Variants in SYT1 observed in about 807,000 individuals in gnomAD.
SYT1 encodes the protein synaptotagmin-1.
SYT1 carries 8 observed loss-of-function variants against 44.8 expected under a neutral mutation model. The observed-to-expected ratio is 0.18, with a 90% confidence interval of 0.10 to 0.32. SYT1 has a LOEUF of 0.32. SYT1 is among the 10% of genes least tolerant of loss of function. SYT1 has a pLI of 1.00. For missense variants in SYT1, 286 were observed against 509.3 expected (o/e 0.56, Z 4.22); for synonymous variants, 154 against 188.8 (o/e 0.82, Z 1.51).
intron 9 of SYT1, among the ~76,000 whole-genome samples, chr12:79,373,493 T>C (rs1287572998): frequency 6.6e-6 from 1 of 152,168 alleles, no homozygotes; most frequent in East Asian, 1.9e-4. Context: ...TAATAATAAA[T>C]ATGCCTCACT....
At chr12:79,310,337 C>T (rs1310611070) in intron 8 of SYT1, among the ~76,000 whole-genome samples, 2 of 151,972 alleles carry the variant, frequency 1.3e-5, no homozygotes, top group Non-Finnish European at 2.9e-5. Context: ...AGATATGTGG[C>T]GTTATTTCTG....
intron 1 of SYT1, among the ~76,000 whole-genome samples, chr12:78,913,615 G>A (rs569308596): frequency 5.9e-5 from 9 of 151,774 alleles, no homozygotes; most frequent in Admixed American, 5.9e-4. Context: ...CTCTGAATAA[G>A]TATTTAAGTA....
chr12:79,362,414 A>G lies in SYT1; in HGVS notation c.928+8795A>G, dbSNP rs185360172. On this transcript the variant is annotated intron_variant, in intron 9 of 10. Transcript: ENST00000261205. ...CATTGAAGACATTCACCAAGTGAACATGTCTTTTTTGCTACCCCAAAAAAG... is the reference window on the plus strand; with the variant it reads ...CATTGAAGACATTCACCAAGTGAACGTGTCTTTTTTGCTACCCCAAAAAAG... Among the ~76,000 whole-genome samples the G allele has an allele frequency of 5.3e-5, 8 of 152,300 alleles. 1 individual carries two copies. The highest frequency in any genetic ancestry group is 3.3e-4 in the Admixed American group (5 of 15,300).
chr12:79,281,680 G>T (rs1422434627), intron 4 of SYT1, among the ~76,000 whole-genome samples: 1 of 152,020 alleles, frequency 6.6e-6, no homozygotes, highest in Non-Finnish European at 1.5e-5. Context: ...ATAAATAAAT[G>T]AAAAGACAGC....
intron 3 of SYT1, among the ~76,000 whole-genome samples, chr12:79,070,910 G>C (rs920048748): frequency 1.3e-5 from 2 of 151,998 alleles, no homozygotes; most frequent in African/African-American, 4.8e-5. Flanking sequence ...AAAATTGTTT[G>C]GTTTTGTTTC....
intron 3 of SYT1, among the ~76,000 whole-genome samples, chr12:79,091,588 A>C (rs1034434702): frequency 6.6e-6 from 1 of 152,084 alleles, no homozygotes; most frequent in African/African-American, 2.4e-5. Context: ...TCAGGGCTTC[A>C]AGAAAAAGGC....
chr12:78,995,472 G>C (rs1170435625), intron 2 of SYT1, among the ~76,000 whole-genome samples: 1 of 152,088 alleles, frequency 6.6e-6, no homozygotes, highest in Non-Finnish European at 1.5e-5. Flanking sequence ...AACAATTTGG[G>C]CAGCTTTCTC....
At chr12:79,269,243 A>AT (rs1248042330) in intron 4 of SYT1, among the ~76,000 whole-genome samples, 1 of 152,146 alleles carries the variant, frequency 6.6e-6, no homozygotes, top group African/African-American at 2.4e-5. Context: ...GAAACAGAGA[A>AT]TTTTTTTATT....
At chr12:78,942,792 T>C (rs1878449083) in intron 1 of SYT1, among the ~76,000 whole-genome samples, 1 of 152,150 alleles carries the variant, frequency 6.6e-6, no homozygotes, top group Non-Finnish European at 1.5e-5. Flanking sequence ...TTCCTGTACT[T>C]CCAGGCTGAG....
chr12:79,415,372 G>A (rs1868667592), intron 9 of SYT1, among the ~76,000 whole-genome samples: 1 of 152,116 alleles, frequency 6.6e-6, no homozygotes, highest in Non-Finnish European at 1.5e-5. Context: ...GTATAAAAGG[G>A]ACTCCACCAG....
intron 2 of SYT1, among the ~76,000 whole-genome samples, chr12:78,978,955 CATA>C (rs760088393): frequency 6.6e-6 from 1 of 152,160 alleles, no homozygotes; most frequent in Non-Finnish European, 1.5e-5. Flanking sequence ...GATACTGGAT[CATA>C]ATATTTTTCA....
At chr12:79,318,014 T>A (rs1881179089) in intron 8 of SYT1, among the ~76,000 whole-genome samples, 1 of 152,302 alleles carries the variant, frequency 6.6e-6, no homozygotes, top group South Asian at 2.1e-4. Context: ...TGCCCCAAAT[T>A]TAAAAATTTT....
At chr12:79,179,538 G>GAT (rs200217464) in intron 3 of SYT1, among the ~76,000 whole-genome samples, 3,510 of 29,786 alleles carry the variant, frequency 0.12, 127 homozygotes, top group African/African-American at 0.23. Flanking sequence ...TATAGATATA[G>GAT]ATATAGAGAT....
chr12:79,146,232 TACACCCTCAGACA>T (rs1869904255), intron 3 of SYT1, among the ~76,000 whole-genome samples: 1 of 152,186 alleles, frequency 6.6e-6, no homozygotes, highest in Non-Finnish European at 1.5e-5. Flanking sequence ...AGCACATTCA[TACACCCTCAGACA>T]ACACACTACT....
chr12:78,924,147 T>C (rs1877166463), intron 1 of SYT1, among the ~76,000 whole-genome samples: 1 of 151,916 alleles, frequency 6.6e-6, no homozygotes, highest in Non-Finnish European at 1.5e-5. Flanking sequence ...ACCACAGAAG[T>C]GATGATGTGT....
intron 2 of SYT1, among the ~76,000 whole-genome samples, chr12:79,023,156 G>A (rs1037801507): frequency 2.6e-5 from 4 of 151,982 alleles, no homozygotes; most frequent in African/African-American, 9.6e-5. Flanking sequence ...AGGGGCTAGA[G>A]TCTCCACAGG....
intron 4 of SYT1, among the ~76,000 whole-genome samples, chr12:79,239,823 C>A (rs999813083): frequency 6.6e-6 from 1 of 152,124 alleles, no homozygotes; most frequent in African/African-American, 2.4e-5. Flanking sequence ...AAATTCTGTT[C>A]CTTGAAATTA....
At chr12:79,149,101 A>C (rs543774712) in intron 3 of SYT1, among the ~76,000 whole-genome samples, 4 of 152,230 alleles carry the variant, frequency 2.6e-5, no homozygotes, top group Non-Finnish European at 4.4e-5. Flanking sequence ...GGGCTGTTTA[A>C]ATCAGATTTA....
intron 2 of SYT1, among the ~76,000 whole-genome samples, chr12:79,008,900 C>T (rs1026546180): frequency 6.6e-6 from 1 of 152,074 alleles, no homozygotes; most frequent in African/African-American, 2.4e-5. Flanking sequence ...CTGATTTTCT[C>T]TACTACCTAG....
Sources: allele counts gnomAD v4.1 joint callset (sites outside exome capture counted in the v4.1 genomes callset), GRCh38; gene constraint gnomAD v4.1.1; transcripts MANE v1.5; gene names NCBI Gene and HGNC (gene_info 2026-07-23, HGNC 2026-07-21).